The following SMYD3 variants were observed in gnomAD, a reference collection of about 807,000 sequenced individuals.
The protein encoded by SMYD3 is histone-lysine N-methyltransferase SMYD3.
Under a neutral mutation model 57.7 loss-of-function variants are expected in SMYD3, and 36 were observed. That is an observed-to-expected ratio of 0.62 (90% CI 0.48 to 0.82). The LOEUF is 0.82. Among genes scored for constraint, SMYD3 ranks in the 40% least tolerant of loss-of-function variants. The pLI, the probability that SMYD3 is intolerant of heterozygous loss-of-function variation, is 0.00. For missense variants in SMYD3, 515 were observed against 538.8 expected, an observed-to-expected ratio of 0.96 and a Z score of 0.44; for synonymous variants, 211 against 195.0, an observed-to-expected ratio of 1.08 and a Z score of -0.68.
chr1:245,914,251 C>T (rs1384015899), intron 8 of SMYD3, among the ~76,000 whole-genome samples: 1 of 152,192 alleles, frequency 6.6e-6, no homozygotes, highest in African/African-American at 2.4e-5. Context: ...ACCATACAAT[C>T]TAGCAATTAC....
intron 1 of SMYD3, among the ~76,000 whole-genome samples, chr1:246,390,511 C>T (rs887172310): frequency 2.0e-5 from 3 of 152,050 alleles, no homozygotes; most frequent in Admixed American, 2.0e-4. Context: ...ATGCTATGTT[C>T]AAGATTCATC....
intron 8 of SMYD3, among the ~76,000 whole-genome samples, chr1:245,914,955 T>C (rs1241171916): frequency 6.6e-6 from 1 of 152,014 alleles, no homozygotes; most frequent in Non-Finnish European, 1.5e-5. Flanking sequence ...GTAGGGGTGG[T>C]AGGGTTGACT....
At chr1:246,326,258 A>C in intron 5 of SMYD3, 1 of 500,508 alleles carries the variant, frequency 2.0e-6, no homozygotes. Flanking sequence ...CTTGTTATTA[A>C]ATTGTGATCA....
chr1:246,379,073 C>CACAT (rs1467827100), intron 1 of SMYD3, among the ~76,000 whole-genome samples: 1 of 84,364 alleles, frequency 1.2e-5, no homozygotes, highest in Non-Finnish European at 2.3e-5. Context: ...TACTTACACA[C>CACAT]ACATACATAC....
chr1:245,808,991 G>A (rs1337688965), intron 10 of SMYD3, among the ~76,000 whole-genome samples: 1 of 152,118 alleles, frequency 6.6e-6, no homozygotes, highest in Non-Finnish European at 1.5e-5. Context: ...TTGGACTCCT[G>A]ACCTCCGCCC....
chr1:245,976,491 G>A (rs1461549686), intron 5 of SMYD3, among the ~76,000 whole-genome samples: 2 of 50,216 alleles, frequency 4.0e-5, no homozygotes, highest in African/African-American at 7.3e-5. Flanking sequence ...GAAAGCCATC[G>A]TCTCCGGCCC....
chr1:245,754,019 C>A (rs1284150540), intron 11 of SMYD3, among the ~76,000 whole-genome samples: 1 of 152,046 alleles, frequency 6.6e-6, no homozygotes, highest in Non-Finnish European at 1.5e-5. Context: ...TCATTTGAAG[C>A]CTCCAAGGAG....
At chr1:245,828,642 G>A (rs2049644775) in intron 10 of SMYD3, among the ~76,000 whole-genome samples, 1 of 151,696 alleles carries the variant, frequency 6.6e-6, no homozygotes, top group Admixed American at 6.6e-5. Context: ...GTAAATCTTT[G>A]GAGAAAACCT....
At chr1:246,204,645 C>T (rs572364106) in intron 5 of SMYD3, among the ~76,000 whole-genome samples, 3 of 152,260 alleles carry the variant, frequency 2.0e-5, no homozygotes, top group South Asian at 2.1e-4. Context: ...TTACATGGCA[C>T]GACAGCTTAA....
intron 5 of SMYD3, among the ~76,000 whole-genome samples, chr1:246,277,098 T>C (rs2064349548): frequency 6.6e-6 from 1 of 152,240 alleles, no homozygotes; most frequent in African/African-American, 2.4e-5. Flanking sequence ...ATAATATGTT[T>C]ACTACATTAA....
chr1:245,915,574 A>G lies in SMYD3; in HGVS notation c.769T>C (p.Tyr257His), dbSNP rs754089601. ...CGGAAACAGTCACATTCAAAGCAGT[A>G]CTGGTCCCTCAGCTGCTTCCGGCGC... is the stretch of plus-strand genomic sequence containing the variant. ...EERRKQLRDQ[Y>H]CFECDCFRCQ... The change falls in exon 8 of 12, where the codon TAC (tyrosine) becomes CAC (histidine). Residue 257 changes from tyrosine to histidine, a missense_variant. Transcript: ENST00000490107. The G allele has an allele frequency of 6.2e-7, 1 of 1,613,938 alleles. No individual in the cohort carries two copies. The highest frequency in any genetic ancestry group is 1.3e-5 in the African/African-American group (1 of 74,892).
At chr1:245,771,843 A>AG (rs2046351985) in intron 10 of SMYD3, among the ~76,000 whole-genome samples, 1 of 152,182 alleles carries the variant, frequency 6.6e-6, no homozygotes, top group African/African-American at 2.4e-5. Context: ...GGGAAAAAAA[A>AG]GGTCCTAACA....
At chr1:246,275,677 T>C (rs1489241527) in intron 5 of SMYD3, among the ~76,000 whole-genome samples, 2 of 151,582 alleles carry the variant, frequency 1.3e-5, no homozygotes, top group Admixed American at 1.3e-4. Context: ...ATGCCCATGT[T>C]TGAATACTAA....
At chr1:246,032,763 T>C (rs2059700428) in intron 5 of SMYD3, among the ~76,000 whole-genome samples, 1 of 152,160 alleles carries the variant, frequency 6.6e-6, no homozygotes. Flanking sequence ...AACCGTTAGT[T>C]TCCATTCCAA....
At chr1:245,930,975 A>G (rs114959292) in intron 5 of SMYD3, among the ~76,000 whole-genome samples, 2,821 of 152,326 alleles carry the variant, frequency 0.019, 82 homozygotes, top group African/African-American at 0.06. Flanking sequence ...GAGAAAGAGC[A>G]AGTGCGAAGG....
chr1:245,954,241 A>G (rs903236668), intron 5 of SMYD3, among the ~76,000 whole-genome samples: 1 of 152,238 alleles, frequency 6.6e-6, no homozygotes, highest in Non-Finnish European at 1.5e-5. Flanking sequence ...AAGCGTTTTA[A>G]AGATGCTAGT....
At chr1:246,398,913 G>A (rs1398321978) in intron 1 of SMYD3, among the ~76,000 whole-genome samples, 1 of 152,168 alleles carries the variant, frequency 6.6e-6, no homozygotes, top group Non-Finnish European at 1.5e-5. Flanking sequence ...TTAATAAAAA[G>A]ACTGATTGCC....
intron 1 of SMYD3, among the ~76,000 whole-genome samples, chr1:246,484,338 CACTA>C (rs764507245): frequency 2.6e-5 from 1 of 39,098 alleles, no homozygotes; most frequent in Non-Finnish European, 4.4e-5. Flanking sequence ...TAAACCACTG[CACTA>C]GTTACACCTG....
intron 5 of SMYD3, among the ~76,000 whole-genome samples, chr1:246,004,201 A>C (rs545139926): frequency 8.9e-4 from 135 of 152,346 alleles, no homozygotes; most frequent in Non-Finnish European, 1.0e-3. Flanking sequence ...AAAGAGATCT[A>C]CCAGAGAAAT....
Sources: allele counts gnomAD v4.1 joint callset (sites outside exome capture counted in the v4.1 genomes callset), GRCh38; gene constraint gnomAD v4.1.1; transcripts MANE v1.5; gene names NCBI Gene and HGNC (gene_info 2026-07-23, HGNC 2026-07-21).